Variants in NKD1 observed in about 807,000 individuals in gnomAD.
NKD1 encodes the protein NKD inhibitor of Wnt signaling pathway 1, also known as protein naked cuticle homolog 1.
NKD1 carries 21 observed loss-of-function variants against 56.0 expected under a neutral mutation model. The observed-to-expected ratio is 0.38, with a 90% CI of 0.27 to 0.54. The LOEUF (loss-of-function observed/expected upper bound fraction) is 0.54, where lower values mean the gene tolerates loss of function less well. NKD1 is among the 20% of genes least tolerant of loss of function. The pLI is 0.82. For synonymous variants in NKD1, 263 were observed against 265.7 expected, an observed-to-expected ratio of 0.99 and a Z score of 0.10; for missense variants, 578 against 642.7, an observed-to-expected ratio of 0.90 and a Z score of 1.09.
chr16:50,633,872 A>G lies in NKD1; in HGVS notation c.*91A>G. On this transcript the variant is annotated 3_prime_UTR_variant, in exon 10 of 10. Transcript: ENST00000268459. This position sits in a 1 kb window ranked among gnomAD's most constrained non-coding sequence, Gnocchi z 4.9. ...TATTCTATTAATTATTGTTATTATG[A>G]TGATTATTGTTATTAATAATTATTG... is the stretch of plus-strand genomic sequence containing the variant. 4 of 617,322 alleles carry G rather than the reference A, an allele frequency of 6.5e-6. No individual in the cohort carries two copies. Among genetic ancestry groups the G allele is most frequent in the Non-Finnish European group, 1.1e-5 (4 of 367,964 alleles). 38.2% of individuals were successfully genotyped at this position (617,322 alleles called of 1,614,324 possible). A position where few individuals can be genotyped will look rare whatever the true frequency, so the allele number is the denominator to read the frequency against.
intron 6 of NKD1, among the ~76,000 whole-genome samples, 177 bp downstream of exon 6, chr16:50,625,757 T>C (rs532561331): frequency 9.2e-5 from 14 of 152,208 alleles, no homozygotes; most frequent in Non-Finnish European, 1.9e-4. Context: ...ATCCCAGAGC[T>C]GCTGGCAAGT....
chr16:50,597,507 C>T (rs1961499139), intron 3 of NKD1, among the ~76,000 whole-genome samples: 1 of 152,166 alleles, frequency 6.6e-6, no homozygotes, highest in Admixed American at 6.5e-5. Flanking sequence ...ATATAAAATT[C>T]AAATCACCCA....
Position 50,634,463 on chromosome 16 carries a change from CTACTT to C in NKD1, c.*686_*690del, listed in dbSNP as rs778684453. On this transcript the variant is annotated 3_prime_UTR_variant, in exon 10 of 10. Coordinates refer to ENST00000268459, the MANE Select transcript of NKD1 (RefSeq NM_033119.5). ...TCTCTTCCTTCTCCTTCTTCTCTCT[CTACTT>C]TACAGTGATACACACACGTATTTAA... The C allele has an allele frequency of 2.6e-5, 4 of 152,490 alleles. No individual in the cohort carries two copies. Among genetic ancestry groups the C allele is most frequent in the Non-Finnish European group, 5.9e-5 (4 of 68,038 alleles). 9.4% of individuals were successfully genotyped at this position (152,490 alleles called of 1,614,324 possible).
chr16:50,548,723 T>G lies in NKD1; in HGVS notation c.32T>G (p.Val11Gly). MGKLHSKPAA[V>G]CKRRESPEGD... ...CCTCGCGATGTGCCTGCAGCCGCCG[T>G]GTGCAAGCGCAGGGAGAGCCCGGAA... The change falls in exon 2 of 10, where the codon GTG becomes GGG. Residue 11 changes from valine (V) to glycine (G), a missense_variant. Val to Gly is a moderately radical substitution (Grantham distance 109). Transcript: ENST00000268459. 6.9e-7 allele frequency: 1 copy of G among 1,452,594 alleles called. No homozygotes were observed. Among genetic ancestry groups the G allele is most frequent in the East Asian group, 3.0e-5 (1 of 33,320 alleles). 90.0% of individuals were successfully genotyped at this position (1,452,594 alleles called of 1,614,324 possible).
chr16:50,570,906 C>T (rs1960868018), intron 3 of NKD1: 1 of 985,276 alleles, frequency 1.0e-6, no homozygotes, highest in African/African-American at 1.7e-5. Context: ...GTGATGTAGC[C>T]CCCACCCCAG....
At chr16:50,550,423 T>C (rs373238077) in intron 3 of NKD1, among the ~76,000 whole-genome samples, 12 of 152,084 alleles carry the variant, frequency 7.9e-5, no homozygotes, top group African/African-American at 2.9e-4. Flanking sequence ...TCTTTGGTCT[T>C]ATCCATGGGC....
chr16:50,548,906 GC>G, intron 2 of NKD1, 157 bp downstream of exon 2: 5 of 836,180 alleles, frequency 6.0e-6, no homozygotes, highest in Non-Finnish European at 7.1e-6. Context: ...CAGCCTTCGC[GC>G]CCCCTCCTCT....
intron 3 of NKD1, among the ~76,000 whole-genome samples, chr16:50,564,127 C>T (rs1333805427): frequency 1.3e-5 from 2 of 152,266 alleles, no homozygotes; most frequent in African/African-American, 4.8e-5. Context: ...GTCCAGAGCC[C>T]CCTTCCTTGT....
At chr16:50,577,258 A>C (rs1360911259) in intron 3 of NKD1, among the ~76,000 whole-genome samples, 1 of 152,186 alleles carries the variant, frequency 6.6e-6, no homozygotes, top group Non-Finnish European at 1.5e-5. Flanking sequence ...GGGTGGGTAG[A>C]GTATATTTGG....
At position 50,640,312 on chromosome 16, in the gene NKD1, T is replaced by C. The variant is rs1213505219; in HGVS notation, c.*6531T>C. The C allele has an allele frequency of 3.9e-5, 6 of 152,380 alleles. No homozygotes were observed. The highest frequency in any genetic ancestry group is 3.9e-4 in the East Asian group (2 of 5,184). The allele number at this position is 152,380 out of a possible 1,614,324, so 9.4% of individuals were successfully genotyped here. A position where few individuals can be genotyped will look rare whatever the true frequency, so the allele number is the denominator to read the frequency against. ...TCCCCAAGCCCTGGCATCCCCCTGTTCTTCTAAAATAATTCTTTTCTAGGT... is the reference window on the plus strand; with the variant it reads ...TCCCCAAGCCCTGGCATCCCCCTGTCCTTCTAAAATAATTCTTTTCTAGGT... On this transcript the variant is annotated 3_prime_UTR_variant, in exon 10 of 10. Transcript: ENST00000268459.
intron 3 of NKD1, among the ~76,000 whole-genome samples, chr16:50,549,842 G>A (rs1329117006): frequency 6.6e-6 from 1 of 152,138 alleles, no homozygotes; most frequent in Non-Finnish European, 1.5e-5. Flanking sequence ...CGGGATTTGG[G>A]GGCCTGCTCT....
chr16:50,573,937 C>T (rs1324130444), intron 3 of NKD1: 2 of 985,176 alleles, frequency 2.0e-6, no homozygotes, highest in Non-Finnish European at 2.4e-6. Context: ...TGCAGCCCAG[C>T]AGTCTCTTTT....
intron 2 of NKD1, chr16:50,549,148 G>T (rs757818841): frequency 7.1e-5 from 11 of 154,694 alleles, no homozygotes; most frequent in Non-Finnish European, 1.1e-4. Context: ...CCGCAGTCCT[G>T]GCTGCCAGTG....
chr16:50,631,590 G>A (rs2151281211), intron 8 of NKD1, among the ~76,000 whole-genome samples: 2 of 152,350 alleles, frequency 1.3e-5, no homozygotes, highest in East Asian at 3.9e-4. Flanking sequence ...CTGAGAATCA[G>A]AGGGACCCAG....
Position 50,598,560 on chromosome 16 carries a change from C to G in NKD1, c.193-9734C>G, listed in dbSNP as rs72796315. Among the ~76,000 whole-genome samples the G allele has an allele frequency of 0.039, 5,936 of 152,268 alleles. 156 individuals carry two copies. The highest frequency in any genetic ancestry group is 0.062 in the Non-Finnish European group (4,249 of 68,020). On this transcript the variant is annotated intron_variant, in intron 3 of 9. Transcript: ENST00000268459. This position sits in a 1 kb window ranked among gnomAD's most constrained non-coding sequence, Gnocchi z 4.2. ...TCATAAGCAGCCTGGCTCAGGGCCA[C>G]CCTGTCGGCAGGTCACACGTGCTAG...
intron 4 of NKD1, among the ~76,000 whole-genome samples, chr16:50,621,177 G>A (rs1962078693): frequency 6.6e-6 from 1 of 152,270 alleles, no homozygotes; most frequent in African/African-American, 2.4e-5. Context: ...GCTCAGGTGG[G>A]TGGCACCTTT....
intron 4 of NKD1, among the ~76,000 whole-genome samples, chr16:50,619,878 A>G (rs1962047754): frequency 6.6e-6 from 1 of 152,178 alleles, no homozygotes; most frequent in African/African-American, 2.4e-5. Flanking sequence ...AGAGAGAGAG[A>G]GGCAGGCTGA....
At position 50,632,283 on chromosome 16, in the gene NKD1, T is replaced by C; in HGVS notation, c.698T>C (p.Phe233Ser). Reference protein sequence around the residue: ...WEKKQRAPLRFQGDSRLEQSG... With the variant: ...WEKKQRAPLRSQGDSRLEQSG... ...CTCACTTGCCTCCCCTGCCGTAGGT[T>C]CCAGGGTGACAGCCGCCTGGAGCAG... Residue 233 changes from phenylalanine (F) to serine (S), a missense_variant and splice_region_variant, in exon 9 of 10, where the codon TTC becomes TCC. Physicochemically the swap from Phe to Ser is radical, Grantham distance 155. Transcript: ENST00000268459. The surrounding 1 kb of genome is among the most constrained non-coding windows in gnomAD (Gnocchi z 4.1). 6.2e-7 allele frequency: 1 copy of C among 1,614,094 alleles called. No homozygotes were observed. Among genetic ancestry groups the C allele is most frequent in the South Asian group, 1.1e-5 (1 of 91,082 alleles).
chr16:50,599,870 G>C (rs539803041), intron 3 of NKD1, among the ~76,000 whole-genome samples: 14 of 152,330 alleles, frequency 9.2e-5, no homozygotes, highest in African/African-American at 3.4e-4. Context: ...GTGATGTCAA[G>C]ATTTACTCTT....
Sources: gnomAD v4.1 joint callset for allele counts (sites outside exome capture counted in the v4.1 genomes callset) on GRCh38, gnomAD v4.1.1 for gene constraint, Gnocchi (gnomAD v3.1) non-coding constraint, MANE v1.5 for transcripts, NCBI Gene and HGNC (gene_info 2026-07-23, HGNC 2026-07-21) for gene names.